The following RSPH3 variants were observed in gnomAD, a reference collection of about 807,000 sequenced individuals.
The protein encoded by RSPH3 is radial spoke head protein 3 homolog.
Under a neutral mutation model 43.8 loss-of-function variants are expected in RSPH3, and 21 were observed. That is an observed-to-expected ratio of 0.48 (90% CI 0.34 to 0.69). The LOEUF (loss-of-function observed/expected upper bound fraction) is 0.69, where lower values mean the gene tolerates loss of function less well. Among genes scored for constraint, RSPH3 ranks in the 30% least tolerant of loss-of-function variants. The probability of loss-of-function intolerance (pLI) is 0.01; values close to 1 mark genes in which losing one functional copy is unlikely to be tolerated. For synonymous variants in RSPH3, 173 were observed against 179.8 expected (o/e 0.96, Z 0.30); for missense variants, 487 against 516.0 (o/e 0.94, Z 0.54).
Position 158,983,717 on chromosome 6 carries a change from AGTG to A in RSPH3, c.434_436del (p.Pro145del). 6.2e-7 allele frequency: 1 copy of A among 1,613,390 alleles called. No individual in the cohort carries two copies. Among genetic ancestry groups the A allele is most frequent in the Admixed American group, 1.7e-5 (1 of 60,026 alleles). ...TTTGCCAGTTTTGGCAGGAATAAAG[AGTG>A]GTGTTGGTGGTCTGTCCAAAAATGC... is the stretch of plus-strand genomic sequence containing the variant. On this transcript the variant is annotated inframe_deletion, in exon 4 of 8. Coordinates refer to ENST00000367069, the MANE Select transcript of RSPH3 (RefSeq NM_031924.8).
In RSPH3 at chr6:158,986,328, G is replaced by T. The variant is rs967913480; in HGVS notation, c.298C>A (p.Gln100Lys). 1.2e-6 allele frequency: 2 copies of T among 1,614,084 alleles called. No homozygotes were observed. Among genetic ancestry groups the T allele is most frequent in the African/African-American group, 2.7e-5 (2 of 74,948 alleles). The change falls in exon 3 of 8, where the codon CAA (glutamine) becomes AAA (lysine). Residue 100 changes from glutamine to lysine, a missense_variant. By Grantham distance (53) the Gln-to-Lys change is moderately conservative (BLOSUM62 1). Coordinates refer to ENST00000367069, the MANE Select transcript of RSPH3 (RefSeq NM_031924.8). Reference protein sequence around the residue: ...RKQAQEQLRPQTPEPVEGRKH... With the variant: ...RKQAQEQLRPKTPEPVEGRKH... The stretch of plus-strand genomic sequence containing the variant: ...CTGCCTTCCACAGGTTCAGGTGTTT[G>T]TGGTCTGAGCTGCTCTTGGGCTTGT...
Position 158,979,746 on chromosome 6 carries a change from A to C in RSPH3, c.859+1028T>G, listed in dbSNP as rs187777716. Among the ~76,000 whole-genome samples, 170 of 152,348 alleles carry C rather than the reference A, an allele frequency of 1.1e-3. 2 individuals carry two copies. Among genetic ancestry groups the C allele is most frequent in the Admixed American group, 2.5e-3 (39 of 15,310 alleles). On this transcript the variant is annotated intron_variant, in intron 6 of 7. Transcript: ENST00000367069. The stretch of plus-strand genomic sequence containing the variant: ...TTACTAACATGTGTCCCAAGATACT[A>C]CTGGCCAACAAAATAGGACCTATAC...
rs1456460638 is a variant in RSPH3 at position 158,999,907 on chromosome 6, C to G, written c.-357G>C. ...TCTTGACTCCGCCCAGCCGCGCCACCCAGGTAGGTGCGCCTGCGCTTTGCG... is the reference window on the plus strand; with the variant it reads ...TCTTGACTCCGCCCAGCCGCGCCACGCAGGTAGGTGCGCCTGCGCTTTGCG... On this transcript the variant is annotated 5_prime_UTR_variant, in exon 1 of 8. Coordinates refer to ENST00000367069, the MANE Select transcript of RSPH3 (RefSeq NM_031924.8). 6.2e-7 allele frequency: 1 copy of G among 1,612,936 alleles called. No individual in the cohort carries two copies. The highest frequency in any genetic ancestry group is 8.5e-7 in the Non-Finnish European group (1 of 1,179,658).
downstream of RSPH3, among the ~76,000 whole-genome samples, chr6:158,969,725 T>C (rs556926279): frequency 9.9e-5 from 15 of 152,234 alleles, no homozygotes; most frequent in Non-Finnish European, 2.1e-4. Context: ...GAGTGGATTA[T>C]CTCAATGGAC....
At chr6:158,987,818 A>G (rs905797740) in intron 2 of RSPH3, among the ~76,000 whole-genome samples, 2 of 152,038 alleles carry the variant, frequency 1.3e-5, no homozygotes, top group African/African-American at 4.8e-5. Context: ...TATATCACCT[A>G]CCTCTTAACA....
At chr6:158,993,033 T>C (rs1038799132) in intron 2 of RSPH3, among the ~76,000 whole-genome samples, 17 of 152,226 alleles carry the variant, frequency 1.1e-4, no homozygotes, top group Admixed American at 7.2e-4. Context: ...CTATTTGAAC[T>C]GGTCTGTAAC....
At chr6:158,972,638 T>C (rs894379239), downstream of RSPH3, among the ~76,000 whole-genome samples, 2 of 152,250 alleles carry the variant, frequency 1.3e-5, no homozygotes, top group African/African-American at 4.8e-5. Flanking sequence ...AAAATGTTCG[T>C]ATTTATAAAA....
At chr6:158,963,541 C>T in the RSPH3 span, among the ~76,000 whole-genome samples, 1 of 149,296 alleles carries the variant, frequency 6.7e-6, no homozygotes, top group African/African-American at 2.5e-5. Context: ...CCTTCCCTCC[C>T]TCCCTCCCTT....
At chr6:158,995,108 A>G (rs931100816) in intron 1 of RSPH3, among the ~76,000 whole-genome samples, 3 of 152,090 alleles carry the variant, frequency 2.0e-5, no homozygotes, top group Non-Finnish European at 4.4e-5. Flanking sequence ...TCTTATCCTT[A>G]GTTGACCTCA....
intron 2 of RSPH3, among the ~76,000 whole-genome samples, chr6:158,988,800 G>C (rs1778312756): frequency 6.6e-6 from 1 of 152,078 alleles, no homozygotes; most frequent in Non-Finnish European, 1.5e-5. Context: ...GCTTTTCTGT[G>C]TTATCTTAGA....
the RSPH3 span, among the ~76,000 whole-genome samples, chr6:158,967,314 C>T: frequency 6.6e-6 from 1 of 152,082 alleles, no homozygotes; most frequent in African/African-American, 2.4e-5. Context: ...TTTCTATTCA[C>T]CTCAAATTAC....
intron 5 of RSPH3, 48 bp downstream of exon 5, chr6:158,982,437 C>G (rs1256671919): frequency 8.1e-7 from 1 of 1,233,720 alleles, no homozygotes; most frequent in African/African-American, 1.5e-5. Flanking sequence ...ACATAATATG[C>G]TAACTAGCCA....
At position 158,974,859 on chromosome 6, in the gene RSPH3, G is replaced by C. The variant is rs1243096594; in HGVS notation, c.*2679C>G. ...ATCAATTTTAAGGTTTTTTTTTTTT[G>C]AGAAGGAGTCTCACTCTGTCTTCCA... is the stretch of plus-strand genomic sequence containing the variant. On this transcript the variant is annotated 3_prime_UTR_variant, in exon 8 of 8. Transcript: ENST00000367069. The C allele has an allele frequency of 7.2e-6, 1 of 138,332 alleles. No individual in the cohort carries two copies. Among genetic ancestry groups the C allele is most frequent in the Non-Finnish European group, 1.6e-5 (1 of 63,036 alleles). 8.6% of individuals were successfully genotyped at this position (138,332 alleles called of 1,614,324 possible).
At chr6:158,971,683 G>A (rs1777695447), downstream of RSPH3, among the ~76,000 whole-genome samples, 1 of 152,184 alleles carries the variant, frequency 6.6e-6, no homozygotes, top group Admixed American at 6.5e-5. Flanking sequence ...AACATGTTAA[G>A]ATAGGCTTGG....
rs1331460566 is a variant in RSPH3, at chr6:158,977,428, T to C, written c.*110A>G. 1.1e-6 allele frequency: 1 copy of C among 926,464 alleles called. No homozygotes were observed. Among genetic ancestry groups the C allele is most frequent in the Middle Eastern group, 2.2e-4 (1 of 4,520 alleles). 57.4% of individuals were successfully genotyped at this position (926,464 alleles called of 1,614,324 possible). A position where few individuals can be genotyped will look rare whatever the true frequency, so the allele number is the denominator to read the frequency against. On this transcript the variant is annotated 3_prime_UTR_variant, in exon 8 of 8. Transcript: ENST00000367069. ...GCCCAGTCCATTACACAAAAAGACA[T>C]ACTGACTAAATACAACATAATTTCT...
chr6:158,972,479 A>G (rs1777704964), downstream of RSPH3, among the ~76,000 whole-genome samples: 1 of 152,244 alleles, frequency 6.6e-6, no homozygotes, highest in African/African-American at 2.4e-5. Flanking sequence ...TCCAAGGAAT[A>G]CAATATATTT....
chr6:158,994,813 C>A (rs969261316), intron 1 of RSPH3, among the ~76,000 whole-genome samples: 1 of 152,054 alleles, frequency 6.6e-6, no homozygotes, highest in Non-Finnish European at 1.5e-5. Context: ...ACACCAATAA[C>A]AGTACTCTAT....
rs751494961 is a variant in RSPH3 at position 158,983,699 on chromosome 6, G to T, written c.455C>A (p.Thr152Asn). 1.9e-6 allele frequency: 3 copies of T among 1,613,624 alleles called. No individual in the cohort carries two copies. The South Asian group carries it at 3.3e-5, about 18-fold the overall frequency. Residue 152 changes from threonine (T) to asparagine (N), a missense_variant, in exon 4 of 8, where the codon ACT (threonine) becomes AAT (asparagine). Thr to Asn is a moderately conservative substitution (Grantham distance 65, BLOSUM62 0). Coordinates refer to ENST00000367069, the MANE Select transcript of RSPH3 (RefSeq NM_031924.8). ...TATTTGGGTGGCCACATCTTTGCCA[G>T]TTTTGGCAGGAATAAAGAGTGGTGT... ...PPTPLFIPAK[T>N]GKDVATQILE...
rs1356587097 is a variant in RSPH3, at chr6:158,980,873, C to T, written c.760G>A (p.Ala254Thr). 13 of 1,614,000 alleles carry T rather than the reference C, an allele frequency of 8.1e-6. No individual in the cohort carries two copies. The highest frequency in any genetic ancestry group is 1.6e-4 in the Middle Eastern group (1 of 6,082). ...TAACGCTGTGCAAATGCTCGGGCGG[C>T]GATTTTTTGTGATGTCTCGTTGTGC... ...HKHNETSQKI[A>T]ARAFAQRYLA... Residue 254 changes from alanine (A) to threonine (T), a missense_variant, in exon 6 of 8, where the codon GCC (alanine) becomes ACC (threonine). Coordinates refer to ENST00000367069, the MANE Select transcript of RSPH3 (RefSeq NM_031924.8).
Sources: allele counts gnomAD v4.1 joint callset (sites outside exome capture counted in the v4.1 genomes callset), GRCh38; gene constraint gnomAD v4.1.1; transcripts MANE v1.5; gene names NCBI Gene and HGNC (gene_info 2026-07-23, HGNC 2026-07-21).